The following ATF7IP variants were observed in gnomAD, a reference collection of about 807,000 sequenced individuals.
The protein encoded by ATF7IP is activating transcription factor 7-interacting protein 1.
ATF7IP carries 23 observed loss-of-function variants against 106.4 expected under a neutral mutation model. The observed-to-expected ratio is 0.22, with a 90% CI of 0.16 to 0.31. ATF7IP has a LOEUF of 0.31. Among genes scored for constraint, ATF7IP ranks in the 10% least tolerant of loss-of-function variants. The pLI is 1.00. For synonymous variants in ATF7IP, 542 were observed against 539.0 expected (o/e 1.01, Z -0.08); for missense variants, 1,334 against 1,524.3 (o/e 0.88, Z 2.08).
At chr12:14,365,882 A>T (rs1938261387) in intron 1 of ATF7IP, 55 bp downstream of exon 1, 1 of 152,476 alleles carries the variant, frequency 6.6e-6, no homozygotes, top group Non-Finnish European at 1.5e-5. Flanking sequence ...TTACTATTGT[A>T]TTTCTGAAGA....
Position 14,499,466 on chromosome 12 carries a change from A to T in ATF7IP, c.*1393A>T, listed in dbSNP as rs1023077506. On this transcript the variant is annotated 3_prime_UTR_variant, in exon 15 of 15. Coordinates refer to ENST00000261168, the MANE Select transcript of ATF7IP (RefSeq NM_018179.5). ...AGTTTATCACCCAAAGCTATCACCC[A>T]ACACTAACTCCTTAGTATTCTTTCA... 1 of 152,222 alleles carries T rather than the reference A, an allele frequency of 6.6e-6. No individual in the cohort carries two copies. The highest frequency in any genetic ancestry group is 2.4e-5 in the African/African-American group (1 of 41,458). The allele number at this position is 152,222 out of a possible 1,614,324, so 9.4% of individuals were successfully genotyped here. A position where few individuals can be genotyped will look rare whatever the true frequency, so the allele number is the denominator to read the frequency against.
At chr12:14,488,886 A>G (rs907160777) in intron 13 of ATF7IP, among the ~76,000 whole-genome samples, 1 of 152,228 alleles carries the variant, frequency 6.6e-6, no homozygotes, top group Non-Finnish European at 1.5e-5. Flanking sequence ...AAATAAAGAC[A>G]TTTTGTTTGT....
intron 1 of ATF7IP, among the ~76,000 whole-genome samples, chr12:14,394,683 T>C (rs1939742390): frequency 6.6e-6 from 1 of 152,200 alleles, no homozygotes; most frequent in Non-Finnish European, 1.5e-5. Flanking sequence ...ATTCAGCCTT[T>C]TGGACTGAAA....
chr12:14,481,074 C>G lies in ATF7IP; in HGVS notation c.3169C>G (p.Pro1057Ala), dbSNP rs745504101. Residue 1057 changes from proline (P) to alanine (A), a missense_variant, in exon 13 of 15, where the codon CCT (proline) becomes GCT (alanine). Coordinates refer to ENST00000261168, the MANE Select transcript of ATF7IP (RefSeq NM_018179.5). ...CACAAGACTCCCTGTACCAAGAGCT[C>G]CTGCAAACCACCAGGTGGTTTATAC... is the stretch of plus-strand genomic sequence containing the variant. ...VTTRLPVPRA[P>A]ANHQVVYTTL... The G allele has an allele frequency of 1.4e-4, 231 of 1,613,892 alleles. 1 individual carries two copies. The East Asian group carries it at 4.5e-3, about 31-fold the overall frequency.
In ATF7IP at chr12:14,502,605, T is replaced by C. The variant is rs984123263; in HGVS notation, c.*4532T>C. The C allele has an allele frequency of 2.6e-5, 4 of 152,168 alleles. No homozygotes were observed. Among genetic ancestry groups the C allele is most frequent in the African/African-American group, 9.6e-5 (4 of 41,454 alleles). The allele number at this position is 152,168 out of a possible 1,614,324, so 9.4% of individuals were successfully genotyped here. On this transcript the variant is annotated 3_prime_UTR_variant, in exon 15 of 15. Transcript: ENST00000261168. The stretch of plus-strand genomic sequence containing the variant: ...CAAACACCTTTTGGGGATTCTGGCT[T>C]TAGTATTTTATCAGCCATTTTAAAA...
At chr12:14,399,766 T>G (rs922297930) in intron 1 of ATF7IP, among the ~76,000 whole-genome samples, 1 of 152,250 alleles carries the variant, frequency 6.6e-6, no homozygotes, top group Non-Finnish European at 1.5e-5. Context: ...CTTCTGTTTA[T>G]TCTCCTACTA....
chr12:14,445,422 G>A (rs1942913250), intron 5 of ATF7IP, among the ~76,000 whole-genome samples: 1 of 148,020 alleles, frequency 6.8e-6, no homozygotes, highest in Admixed American at 6.7e-5. Flanking sequence ...GTCTCGCTTT[G>A]TCACCCATCC....
chr12:14,448,484 T>C (rs1316549894), intron 6 of ATF7IP, among the ~76,000 whole-genome samples: 1 of 152,214 alleles, frequency 6.6e-6, no homozygotes, highest in African/African-American at 2.4e-5. Context: ...AGATATAAAA[T>C]TGTTACATCA....
intron 5 of ATF7IP, among the ~76,000 whole-genome samples, chr12:14,438,507 G>A (rs1285765113): frequency 6.6e-6 from 1 of 152,222 alleles, no homozygotes; most frequent in Non-Finnish European, 1.5e-5. Flanking sequence ...CAAGGTGTCA[G>A]CAGTGTAGAT....
intron 10 of ATF7IP, among the ~76,000 whole-genome samples, chr12:14,471,533 C>T (rs749289076): frequency 6.6e-6 from 1 of 152,060 alleles, no homozygotes; most frequent in African/African-American, 2.4e-5. Context: ...ATAGTTACAG[C>T]AGCATTTTTT....
intron 1 of ATF7IP, among the ~76,000 whole-genome samples, chr12:14,414,381 C>T (rs1222540439): frequency 3.9e-5 from 6 of 152,256 alleles, no homozygotes; most frequent in Admixed American, 3.3e-4. Flanking sequence ...CTTGTCCTGC[C>T]GAGGGCCCAC....
At chr12:14,373,406 C>G (rs1028835679) in intron 1 of ATF7IP, among the ~76,000 whole-genome samples, 1 of 152,172 alleles carries the variant, frequency 6.6e-6, no homozygotes, top group Non-Finnish European at 1.5e-5. Flanking sequence ...AACATGATTA[C>G]TCTCTAGTTT....
intron 10 of ATF7IP, among the ~76,000 whole-genome samples, chr12:14,470,896 GGTCATTGCTT>G (rs373062292): frequency 3.6e-4 from 55 of 152,216 alleles, no homozygotes; most frequent in African/African-American, 1.2e-3. Context: ...TTTATCATTA[GGTCATTGCTT>G]GTAGATCTTC....
intron 1 of ATF7IP, among the ~76,000 whole-genome samples, chr12:14,374,272 A>ATTTTTTTTTTTTT (rs563859251): frequency 9.5e-6 from 1 of 105,446 alleles, no homozygotes; most frequent in Non-Finnish European, 1.9e-5. Flanking sequence ...TAATTTTGTA[A>ATTTTTTTTTTTTT]TTTTTTTTTT....
chr12:14,456,571 A>C lies in ATF7IP; in HGVS notation c.2006A>C (p.Asn669Thr). Residue 669 changes from asparagine to threonine, a missense_variant, in exon 7 of 15, where the codon AAC (asparagine) becomes ACC (threonine). By Grantham distance (65) the Asn-to-Thr change is moderately conservative. This residue lies in a region of ATF7IP where 171 missense variants were observed against 172.6 expected (regional missense o/e 0.99). Coordinates refer to ENST00000261168, the MANE Select transcript of ATF7IP (RefSeq NM_018179.5). ...DLKKRHEHPP[N>T]PPVSPGKTVN... Reference sequence around the variant, plus strand: ...TTTTTTCTCCCCCAGCATCCACCCAACCCACCAGTATCACCAGGAAAAACT... The same window carrying C: ...TTTTTTCTCCCCCAGCATCCACCCACCCCACCAGTATCACCAGGAAAAACT... 6.2e-7 allele frequency: 1 copy of C among 1,611,960 alleles called. No homozygotes were observed. The highest frequency in any genetic ancestry group is 8.5e-7 in the Non-Finnish European group (1 of 1,179,096).
chr12:14,429,670 A>C (rs1234761961), intron 2 of ATF7IP, among the ~76,000 whole-genome samples: 12 of 152,202 alleles, frequency 7.9e-5, no homozygotes. Flanking sequence ...GTATTGATAG[A>C]ATTGGCATGA....
chr12:14,417,519 A>T (rs1167219902), intron 1 of ATF7IP, among the ~76,000 whole-genome samples: 1 of 152,018 alleles, frequency 6.6e-6, no homozygotes, highest in Non-Finnish European at 1.5e-5. Context: ...TTTTATATGT[A>T]TGGTCTATGG....
chr12:14,469,561 A>T (rs891556848), intron 10 of ATF7IP, among the ~76,000 whole-genome samples: 1 of 152,004 alleles, frequency 6.6e-6, no homozygotes, highest in African/African-American at 2.4e-5. Context: ...ATATCATTTT[A>T]TATAATGAAT....
In ATF7IP at chr12:14,450,973, G is replaced by A. The variant is rs546990644; in HGVS notation, c.1995+3920G>A. Reference sequence around the variant, plus strand: ...GTATTTGTAGTAGAGACGGGCTTTCGTCATTTGGCCAGGGTGGTCTTGAAC... The same window carrying A: ...GTATTTGTAGTAGAGACGGGCTTTCATCATTTGGCCAGGGTGGTCTTGAAC... On this transcript the variant is annotated intron_variant, in intron 6 of 14. Transcript: ENST00000261168. Among the ~76,000 whole-genome samples, 3 of 151,942 alleles carry A rather than the reference G, an allele frequency of 2.0e-5. No individual in the cohort carries two copies. In the South Asian group the frequency reaches 6.2e-4, roughly 32 times the overall value.
Sources: allele counts gnomAD v4.1 joint callset (sites outside exome capture counted in the v4.1 genomes callset), GRCh38; gene constraint gnomAD v4.1.1; regional missense constraint gnomAD v4.1.1; transcripts MANE v1.5; gene names NCBI Gene and HGNC (gene_info 2026-07-23, HGNC 2026-07-21).